BBX: variants seen among roughly 807,000 people sequenced by gnomAD.
The protein encoded by BBX is BBX high mobility group box domain containing, also known as HMG box transcription factor BBX.
Under a neutral mutation model 100.2 loss-of-function variants are expected in BBX, and 30 were observed. The ratio of observed to expected loss-of-function variants is 0.30; its 90% confidence interval spans 0.22 to 0.41. The LOEUF is 0.41. Among genes scored for constraint, BBX ranks in the 10% least tolerant of loss-of-function variants. The pLI, the probability that BBX is intolerant of heterozygous loss-of-function variation, is 1.00. For synonymous variants in BBX, 376 were observed against 388.1 expected, an observed-to-expected ratio of 0.97 and a Z score of 0.37; for missense variants, 1,023 against 1,129.8, an observed-to-expected ratio of 0.91 and a Z score of 1.35.
chr3:107,723,399 T>G (rs915112342), intron 5 of BBX, among the ~76,000 whole-genome samples: 1 of 151,902 alleles, frequency 6.6e-6, no homozygotes, highest in African/African-American at 2.4e-5. Flanking sequence ...GACTCCATTT[T>G]TATTTTATTT....
At chr3:107,536,719 T>A (rs1421347679) in intron 2 of BBX, among the ~76,000 whole-genome samples, 1 of 152,152 alleles carries the variant, frequency 6.6e-6, no homozygotes, top group Non-Finnish European at 1.5e-5. Flanking sequence ...ACTATACCAA[T>A]TTTTTCAACA....
chr3:107,792,629 C>CCT (rs1274682868), intron 15 of BBX, among the ~76,000 whole-genome samples: 4 of 152,184 alleles, frequency 2.6e-5, no homozygotes, highest in Admixed American at 2.6e-4. Context: ...ACATTCACAG[C>CCT]CTCTATGGAA....
intron 2 of BBX, among the ~76,000 whole-genome samples, chr3:107,531,749 C>T (rs2048175526): frequency 2.0e-5 from 3 of 152,060 alleles, no homozygotes; most frequent in Admixed American, 2.0e-4. Context: ...GTACAGTCCT[C>T]CTTCAGGTTT....
At position 107,713,019 on chromosome 3, in the gene BBX, C is replaced by G. The variant is rs145188263; in HGVS notation, c.162+2397C>G. ...AGACATAGGTATCCACACAGCATTC[C>G]CCATAGCCACTTCAAATTCAGCCTG... On this transcript the variant is annotated intron_variant, in intron 4 of 17. Transcript: ENST00000325805. 9.9e-3 allele frequency among the ~76,000 whole-genome samples: 1,510 copies of G among 152,294 alleles called. 10 individuals carry two copies. Among genetic ancestry groups the G allele is most frequent in the Non-Finnish European group, 0.016 (1,067 of 68,018 alleles).
intron 3 of BBX, among the ~76,000 whole-genome samples, chr3:107,679,203 T>C (rs2059445324): frequency 6.6e-6 from 1 of 152,044 alleles, no homozygotes; most frequent in Admixed American, 6.6e-5. Flanking sequence ...GCCATTTTCT[T>C]ATTGAATATA....
chr3:107,641,293 T>C (rs1174261589), intron 2 of BBX, among the ~76,000 whole-genome samples: 1 of 152,048 alleles, frequency 6.6e-6, no homozygotes, highest in Non-Finnish European at 1.5e-5. Context: ...CCATGATGCC[T>C]GGGCTGGTTT....
intron 3 of BBX, among the ~76,000 whole-genome samples, chr3:107,701,251 A>C (rs1218485737): frequency 6.6e-6 from 1 of 152,168 alleles, no homozygotes; most frequent in Non-Finnish European, 1.5e-5. Flanking sequence ...GGGGAAGGGC[A>C]GTATGGGGAC....
chr3:107,614,103 C>A (rs2055068907), intron 2 of BBX, among the ~76,000 whole-genome samples: 1 of 151,914 alleles, frequency 6.6e-6, no homozygotes, highest in African/African-American at 2.4e-5. Context: ...AGGCACACAC[C>A]ACCACGACCA....
chr3:107,798,661 A>G lies in BBX; in HGVS notation c.2492A>G (p.Lys831Arg), dbSNP rs1332584986. ...GSQKRKARKT[K>R]ITHLVRTADG... The stretch of plus-strand genomic sequence containing the variant: ...CAAAAGAGAAAAGCAAGGAAAACCA[A>G]GATTACACACCTTGTCAGGACAGCA... The change falls in exon 16 of 18, where the codon AAG becomes AGG. Residue 831 changes from lysine (K) to arginine (R), a missense_variant. Physicochemically the swap from Lys to Arg is conservative, Grantham distance 26 (BLOSUM62 2). Coordinates refer to ENST00000325805, the MANE Select transcript of BBX (RefSeq NM_001142568.3). 1.2e-6 allele frequency: 2 copies of G among 1,614,032 alleles called. No individual in the cohort carries two copies. Among genetic ancestry groups the G allele is most frequent in the African/African-American group, 1.3e-5 (1 of 74,902 alleles).
At chr3:107,535,719 A>G (rs962296396) in intron 2 of BBX, among the ~76,000 whole-genome samples, 3 of 151,970 alleles carry the variant, frequency 2.0e-5, no homozygotes, top group Non-Finnish European at 4.4e-5. Flanking sequence ...CAGCATCCCA[A>G]GTAGCTGGGA....
At chr3:107,796,595 T>G (rs1426756854) in intron 15 of BBX, among the ~76,000 whole-genome samples, 1 of 152,176 alleles carries the variant, frequency 6.6e-6, no homozygotes, top group African/African-American at 2.4e-5. Flanking sequence ...AAATTCAGAT[T>G]TTGGGCTTCT....
chr3:107,556,185 C>T (rs2050084095), intron 2 of BBX, among the ~76,000 whole-genome samples: 1 of 152,160 alleles, frequency 6.6e-6, no homozygotes, highest in South Asian at 2.1e-4. Context: ...CTGTCAGGTT[C>T]TTCCAAGACA....
rs562962692 is a variant in BBX at position 107,750,612 on chromosome 3, T to A, written c.825+2573T>A. Among the ~76,000 whole-genome samples the A allele has an allele frequency of 1.2e-4, 18 of 152,318 alleles. No homozygotes were observed. In the South Asian group the frequency reaches 3.5e-3, roughly 30 times the overall value. ...ATAACCTCTCTCGTCACTTTCCTCC[T>A]CTGACCCAGCAGTACCCTAACTTTC... On this transcript the variant is annotated intron_variant, in intron 9 of 17. Transcript: ENST00000325805.
chr3:107,746,608 GTC>G (rs1351502043), intron 8 of BBX, among the ~76,000 whole-genome samples: 2 of 151,896 alleles, frequency 1.3e-5, no homozygotes, highest in Non-Finnish European at 2.9e-5. Flanking sequence ...TACTCAGTCA[GTC>G]TCTCTACTAA....
intron 2 of BBX, among the ~76,000 whole-genome samples, chr3:107,538,433 A>G (rs924126456): frequency 7.2e-5 from 11 of 152,254 alleles, no homozygotes; most frequent in Middle Eastern, 3.4e-3. Flanking sequence ...ATGACCTTAT[A>G]TGGTCATTTC....
chr3:107,671,923 C>G (rs2059040446), intron 3 of BBX, among the ~76,000 whole-genome samples: 1 of 152,080 alleles, frequency 6.6e-6, no homozygotes, highest in Non-Finnish European at 1.5e-5. Context: ...AAAGTCTCTA[C>G]TTGTGATTCT....
At chr3:107,551,798 T>C (rs2049704859) in intron 2 of BBX, among the ~76,000 whole-genome samples, 1 of 152,224 alleles carries the variant, frequency 6.6e-6, no homozygotes, top group African/African-American at 2.4e-5. Context: ...TGTGCCCTGT[T>C]AGGGCCACAT....
At chr3:107,803,652 G>C in intron 17 of BBX, among the ~76,000 whole-genome samples, 1 of 152,338 alleles carries the variant, frequency 6.6e-6, no homozygotes, top group South Asian at 2.1e-4. Context: ...GGCCTTTTTA[G>C]TCCCATTTTA....
intron 2 of BBX, among the ~76,000 whole-genome samples, chr3:107,603,314 TG>T (rs1365127828): frequency 3.3e-5 from 5 of 152,194 alleles, no homozygotes; most frequent in Non-Finnish European, 7.3e-5. Context: ...CCACATCTCC[TG>T]GTACAGATCC....
Sources: gnomAD v4.1 joint callset for allele counts (sites outside exome capture counted in the v4.1 genomes callset) on GRCh38, gnomAD v4.1.1 for gene constraint, MANE v1.5 for transcripts, NCBI Gene and HGNC (gene_info 2026-07-23, HGNC 2026-07-21) for gene names.